PTPRD: variants seen among roughly 807,000 people sequenced by gnomAD.
The protein encoded by PTPRD is protein tyrosine phosphatase receptor type D.
Under a neutral mutation model 214.5 loss-of-function variants are expected in PTPRD, and 34 were observed. The observed-to-expected ratio is 0.16, with a 90% CI of 0.12 to 0.21. The LOEUF is 0.21. PTPRD is among the 10% of genes least tolerant of loss of function. The probability of loss-of-function intolerance (pLI) is 1.00; values close to 1 mark genes in which losing one functional copy is unlikely to be tolerated. For synonymous variants in PTPRD, 1,128 were observed against 845.7 expected (o/e 1.33, Z -5.79); for missense variants, 2,545 against 2,398.7 (o/e 1.06, Z -1.27).
chr9:8,839,389 G>C (rs368987783), intron 11 of PTPRD, among the ~76,000 whole-genome samples: 1 of 152,022 alleles, frequency 6.6e-6, no homozygotes, highest in Non-Finnish European at 1.5e-5. Flanking sequence ...GCTGTGGCGC[G>C]ATCTTGGCTC....
At chr9:9,326,133 T>G (rs1464697456) in intron 9 of PTPRD, among the ~76,000 whole-genome samples, 1 of 152,010 alleles carries the variant, frequency 6.6e-6, no homozygotes. Flanking sequence ...CTGATATAAC[T>G]ATGAGGGTTG....
intron 35 of PTPRD, among the ~76,000 whole-genome samples, chr9:8,429,659 G>C (rs2094916943): frequency 6.6e-6 from 1 of 152,146 alleles, no homozygotes; most frequent in Non-Finnish European, 1.5e-5. Context: ...GGAGATGTGA[G>C]AGTGCTGCCA....
chr9:10,252,918 G>C (rs1252843895), intron 3 of PTPRD, among the ~76,000 whole-genome samples: 1 of 151,858 alleles, frequency 6.6e-6, no homozygotes, highest in Admixed American at 6.6e-5. Flanking sequence ...CGAGTAGCTG[G>C]GATTACAGGT....
intron 3 of PTPRD, among the ~76,000 whole-genome samples, chr9:10,152,797 C>T (rs1235299389): frequency 1.3e-5 from 2 of 152,160 alleles, no homozygotes; most frequent in Non-Finnish European, 2.9e-5. Context: ...TGCACTCCAG[C>T]CTGGGCAACA....
intron 11 of PTPRD, among the ~76,000 whole-genome samples, chr9:8,928,936 T>C (rs1395039380): frequency 6.6e-6 from 1 of 152,200 alleles, no homozygotes; most frequent in East Asian, 1.9e-4. Flanking sequence ...CCTAGGTATT[T>C]TATTCTCTTT....
chr9:10,424,963 G>A (rs1017625484), intron 2 of PTPRD, among the ~76,000 whole-genome samples: 4 of 151,888 alleles, frequency 2.6e-5, no homozygotes, highest in Non-Finnish European at 5.9e-5. Context: ...CTTTAGTGTT[G>A]CATTCCAAGT....
intron 5 of PTPRD, among the ~76,000 whole-genome samples, chr9:9,828,960 A>C (rs927864257): frequency 1.3e-5 from 2 of 151,966 alleles, no homozygotes; most frequent in Non-Finnish European, 2.9e-5. Flanking sequence ...AATTGTAAGG[A>C]AACATTATCT....
chr9:9,654,451 C>A (rs1019498639), intron 7 of PTPRD, among the ~76,000 whole-genome samples: 18 of 152,026 alleles, frequency 1.2e-4, no homozygotes, highest in African/African-American at 3.9e-4. Context: ...CACATGTATA[C>A]ACACACATTA....
rs559124488 is a variant in PTPRD at position 8,926,033 on chromosome 9, AG to A, written c.-104+92663del. ...ATGACATGAAATGGACTTTAGGTCT[AG>A]CCCTGGTATTTATAGAAAGTACCAC... On this transcript the variant is annotated intron_variant, in intron 11 of 45. Transcript: ENST00000381196. Among the ~76,000 whole-genome samples the A allele has an allele frequency of 2.6e-3, 401 of 152,098 alleles. 1 individual carries two copies. The highest frequency in any genetic ancestry group is 9.0e-3 in the African/African-American group (374 of 41,480).
At chr9:10,262,156 T>C (rs1404524400) in intron 3 of PTPRD, among the ~76,000 whole-genome samples, 1 of 152,004 alleles carries the variant, frequency 6.6e-6, no homozygotes, top group African/African-American at 2.4e-5. Context: ...AAATCAGTGG[T>C]CTAAAAAGGT....
intron 8 of PTPRD, among the ~76,000 whole-genome samples, chr9:9,570,065 T>C (rs1383953674): frequency 1.3e-5 from 2 of 151,600 alleles, no homozygotes; most frequent in Non-Finnish European, 3.0e-5. Flanking sequence ...AACTGCACTT[T>C]AACAATTCTG....
At chr9:9,000,725 A>C (rs1407847756) in intron 11 of PTPRD, among the ~76,000 whole-genome samples, 1 of 151,992 alleles carries the variant, frequency 6.6e-6, no homozygotes, top group African/African-American at 2.4e-5. Context: ...GGCAGCTCTC[A>C]TTCCACCAAA....
chr9:8,435,695 C>T (rs1270584960), intron 35 of PTPRD, among the ~76,000 whole-genome samples: 1 of 118,192 alleles, frequency 8.5e-6, no homozygotes, highest in Non-Finnish European at 1.8e-5. Flanking sequence ...ACCACAATAT[C>T]CAAATACACA....
rs10125464 is a variant in PTPRD at position 9,502,309 on chromosome 9, C to T, written c.-237+72423G>A. ...TGAGCCCTTGGCAACCACCATTATA[C>T]GCTCTGCTGCTGTGATGTTGATTGT... On this transcript the variant is annotated intron_variant, in intron 8 of 45. Transcript: ENST00000381196. Among the ~76,000 whole-genome samples the T allele has an allele frequency of 3.2e-3, 479 of 151,958 alleles. 2 individuals are homozygous for T. Among genetic ancestry groups the T allele is most frequent in the African/African-American group, 0.01 (423 of 41,516 alleles).
intron 11 of PTPRD, among the ~76,000 whole-genome samples, chr9:8,970,388 T>A (rs181274252): frequency 3.8e-4 from 57 of 151,970 alleles, no homozygotes; most frequent in Non-Finnish European, 8.8e-5. Flanking sequence ...AGAAAGAAAC[T>A]TGGTCTTGAC....
At position 9,411,803 on chromosome 9, in the gene PTPRD, A is replaced by C. The variant is rs1235993596; in HGVS notation, c.-236-14321T>G. On this transcript the variant is annotated intron_variant, in intron 8 of 45. Coordinates refer to ENST00000381196, the MANE Select transcript of PTPRD (RefSeq NM_002839.4). ...AGAATTTCAGCACTATGCACACACAAAAAAGATCCCTAGGGAATAAATGTG... is the reference window on the plus strand; with the variant it reads ...AGAATTTCAGCACTATGCACACACACAAAAGATCCCTAGGGAATAAATGTG... Among the ~76,000 whole-genome samples the C allele has an allele frequency of 4.0e-5, 6 of 150,000 alleles. No individual in the cohort carries two copies. The South Asian group carries it at 1.1e-3, about 27-fold the overall frequency.
chr9:10,507,426 T>C (rs1020882927), intron 2 of PTPRD, among the ~76,000 whole-genome samples: 36 of 152,146 alleles, frequency 2.4e-4, no homozygotes, highest in Non-Finnish European at 4.4e-5. Context: ...AATGACTTTC[T>C]TCACAGAATT....
intron 9 of PTPRD, among the ~76,000 whole-genome samples, chr9:9,283,765 T>C (rs1445425450): frequency 1.3e-5 from 2 of 151,650 alleles, no homozygotes; most frequent in Non-Finnish European, 3.0e-5. Context: ...ATCTCTCTAA[T>C]TGGACTGCAT....
chr9:8,434,131 C>T (rs964035063), intron 35 of PTPRD, among the ~76,000 whole-genome samples: 12 of 152,092 alleles, frequency 7.9e-5, no homozygotes, highest in African/African-American at 1.2e-4. Context: ...TACAGGCACA[C>T]GCCACCACGC....
Sources: gnomAD v4.1 joint callset for allele counts (sites outside exome capture counted in the v4.1 genomes callset) on GRCh38, gnomAD v4.1.1 for gene constraint, MANE v1.5 for transcripts, NCBI Gene and HGNC (gene_info 2026-07-23, HGNC 2026-07-21) for gene names.